PGC: variants seen among roughly 807,000 people sequenced by gnomAD.
PGC encodes gastricsin.
A neutral mutation model predicts 45.9 loss-of-function variants in PGC; 31 were observed. That is an observed-to-expected ratio of 0.67 (90% CI 0.51 to 0.91). The LOEUF (loss-of-function observed/expected upper bound fraction) is 0.91. Ranked by LOEUF, PGC falls within the 40% of genes least tolerant of loss-of-function variation. The pLI, the probability that PGC is intolerant of heterozygous loss-of-function variation, is 0.00. For missense variants in PGC, 477 were observed against 493.2 expected (o/e 0.97, Z 0.31); for synonymous variants, 192 against 201.8 (o/e 0.95, Z 0.41).
chr6:41,739,383 C>T (rs1456845548), intron 7 of PGC, among the ~76,000 whole-genome samples: 4 of 152,114 alleles, frequency 2.6e-5, no homozygotes, highest in Non-Finnish European at 4.4e-5. Context: ...CTGCCTCCAG[C>T]GCCTTGGGCA....
intron 1 of PGC, among the ~76,000 whole-genome samples, chr6:41,745,295 A>C (rs1373852520): frequency 6.6e-6 from 1 of 151,848 alleles, no homozygotes; most frequent in African/African-American, 2.4e-5. Context: ...CTAGAGTGCA[A>C]TGGCACAATC....
At position 41,747,329 on chromosome 6, in the gene PGC, C is replaced by T; in HGVS notation, c.6G>A (p.Lys2=). The T allele has an allele frequency of 6.2e-7, 1 of 1,613,866 alleles. No homozygotes were observed. Among genetic ancestry groups the T allele is most frequent in the Non-Finnish European group, 8.5e-7 (1 of 1,179,748 alleles). M[K]WMVVVLVCLQ... Reference sequence around the variant, plus strand: ...GGCAGACCAAGACCACCACCATCCACTTCATGATGCTGGTCCCCAACTGGC... The same window carrying T: ...GGCAGACCAAGACCACCACCATCCATTTCATGATGCTGGTCCCCAACTGGC... The change falls in exon 1 of 9, where the codon AAG becomes AAA. Residue 2 remains lysine (K), a synonymous_variant. Transcript: ENST00000373025.
Position 41,744,870 on chromosome 6 carries a change from T to TTC in PGC, c.60-64_60-63dup. The stretch of plus-strand genomic sequence containing the variant: ...CCTTCCTCTCTTCCCACTCCTCTCT[T>TTC]TCTCTCTCTCCTTCTCTTAACTGCA... On this transcript the variant is annotated intron_variant, in intron 1 of 8. Coordinates refer to ENST00000373025, the MANE Select transcript of PGC (RefSeq NM_002630.4). The surrounding 1 kb of genome is among the most constrained non-coding windows in gnomAD (Gnocchi z 4.4). The TTC allele has an allele frequency of 7.0e-7, 1 of 1,434,478 alleles. No individual in the cohort carries two copies. The highest frequency in any genetic ancestry group is 9.6e-7 in the Non-Finnish European group (1 of 1,044,966). The allele number at this position is 1,434,478 out of a possible 1,614,324, so 88.9% of individuals were successfully genotyped here. A position where few individuals can be genotyped will look rare whatever the true frequency, so the allele number is the denominator to read the frequency against.
chr6:41,740,098 C>A (rs1561880763), intron 6 of PGC, 152 bp from the exon 7 acceptor site: 4 of 672,032 alleles, frequency 6.0e-6, no homozygotes, highest in South Asian at 5.9e-5. Context: ...TCCCCTGCAT[C>A]ATGCCATGGG....
In PGC at chr6:41,744,530, C is replaced by A. The variant is rs1237486425; in HGVS notation, c.211-16G>T. ...AGTAGGCAGCCTGGGGGCCATGGAG[C>A]AAGCTGTTAGTTCCAGAGGGATCCA... is the stretch of plus-strand genomic sequence containing the variant. On this transcript the variant is annotated splice_polypyrimidine_tract_variant and intron_variant, in intron 2 of 8. Coordinates refer to ENST00000373025, the MANE Select transcript of PGC (RefSeq NM_002630.4). The surrounding 1 kb of genome is among the most constrained non-coding windows in gnomAD (Gnocchi z 4.4). The A allele has an allele frequency of 6.2e-7, 1 of 1,605,280 alleles. No individual in the cohort carries two copies. The highest frequency in any genetic ancestry group is 2.2e-5 in the East Asian group (1 of 44,784).
At chr6:41,742,080 G>A (rs1437387339) in intron 5 of PGC, among the ~76,000 whole-genome samples, 1 of 152,166 alleles carries the variant, frequency 6.6e-6, no homozygotes, top group East Asian at 1.9e-4. Context: ...GGAGGGGACT[G>A]GGGACAGGTG....
At chr6:41,741,313 TC>T in intron 5 of PGC, 1 of 1,213,314 alleles carries the variant, frequency 8.2e-7, no homozygotes, top group Non-Finnish European at 1.1e-6. Flanking sequence ...AACTTCAGAT[TC>T]CCCAGATTAG....
chr6:41,741,668 C>T, intron 5 of PGC: 1 of 693,400 alleles, frequency 1.4e-6, no homozygotes, highest in Non-Finnish European at 2.5e-6. Context: ...CAAAACAAAA[C>T]AAAAGCAAGT....
intron 5 of PGC, chr6:41,741,976 G>A: frequency 1.4e-6 from 1 of 719,890 alleles, no homozygotes; most frequent in Non-Finnish European, 2.4e-6. Context: ...CTGTCCAAGG[G>A]GTGCTGAGAA....
At chr6:41,740,073 G>A (rs1771793707) in intron 6 of PGC, 127 bp from the exon 7 acceptor site, 1 of 768,410 alleles carries the variant, frequency 1.3e-6, no homozygotes, top group South Asian at 1.9e-5. Flanking sequence ...ACCCTGCAAA[G>A]ATCAATCCGG....
At position 41,747,371 on chromosome 6, in the gene PGC, CTCTGAGT is replaced by C. The variant is rs2127293448; in HGVS notation, c.-44_-38del. ...CCAACTGGCCACAGAGGAAGAGCAG[CTCTGAGT>C]TCTGCAGTCGCAGTGGAGTGAAGAC... is the stretch of plus-strand genomic sequence containing the variant. On this transcript the variant is annotated 5_prime_UTR_variant, in exon 1 of 9. Coordinates refer to ENST00000373025, the MANE Select transcript of PGC (RefSeq NM_002630.4). 1.9e-6 allele frequency: 3 copies of C among 1,582,444 alleles called. No homozygotes were observed. The East Asian group carries it at 6.7e-5, about 35-fold the overall frequency.
rs2127292330 is a variant in PGC at position 41,744,592 on chromosome 6, G to A, written c.210+66C>T. On this transcript the variant is annotated intron_variant, in intron 2 of 8. Transcript: ENST00000373025. This position sits in a 1 kb window ranked among gnomAD's most constrained non-coding sequence, Gnocchi z 4.4. Reference sequence around the variant, plus strand: ...CTCCTCCATGGGCAGAGGAGTGAAGGGACCTGCCCCTTCCCTCCAGCCCAC... The same window carrying A: ...CTCCTCCATGGGCAGAGGAGTGAAGAGACCTGCCCCTTCCCTCCAGCCCAC... 6.3e-7 allele frequency: 1 copy of A among 1,593,054 alleles called. No homozygotes were observed. The highest frequency in any genetic ancestry group is 8.6e-7 in the Non-Finnish European group (1 of 1,164,214).
intron 8 of PGC, among the ~76,000 whole-genome samples, chr6:41,737,362 C>T (rs982007128): frequency 1.6e-4 from 24 of 152,326 alleles, no homozygotes; most frequent in Admixed American, 3.9e-4. Context: ...GTCAGTTACT[C>T]AACCTCTCTG....
chr6:41,740,865 C>T, intron 5 of PGC: 1 of 1,431,956 alleles, frequency 7.0e-7, no homozygotes, highest in Non-Finnish European at 9.1e-7. Context: ...CTCCCTCAGA[C>T]TGGGGCTCCC....
At chr6:41,747,208 G>A (rs1005941823) in intron 1 of PGC, 68 bp downstream of exon 1, 7 of 1,357,480 alleles carry the variant, frequency 5.2e-6, no homozygotes, top group Admixed American at 1.7e-5. Flanking sequence ...CCCTGGCCCA[G>A]TTGCCCTTTG....
Position 41,738,781 on chromosome 6 carries a change from A to C in PGC, c.916-953T>G, listed in dbSNP as rs534166615. ...AGACCAGCCTGGCCAATATGGTGAA[A>C]CCTCATCTCTATTAAAAATACAAAA... On this transcript the variant is annotated intron_variant, in intron 7 of 8. Coordinates refer to ENST00000373025, the MANE Select transcript of PGC (RefSeq NM_002630.4). Among the ~76,000 whole-genome samples the C allele has an allele frequency of 3.3e-5, 5 of 152,028 alleles. No individual in the cohort carries two copies. The South Asian group carries it at 8.3e-4, about 25-fold the overall frequency.
chr6:41,739,252 C>G (rs534670753), intron 7 of PGC, among the ~76,000 whole-genome samples: 196 of 152,314 alleles, frequency 1.3e-3, no homozygotes, highest in Middle Eastern at 3.4e-3. Context: ...GTGACTGCAG[C>G]TCAGAAGAAA....
rs1054180542 is a variant in PGC at position 41,742,180 on chromosome 6, T to C, written c.647+110A>G. ...TGGAGCAAGACTGACTGGAGCCAGA[T>C]GCCCGCTGGGATGCCTCCAAACCCC... On this transcript the variant is annotated intron_variant, in intron 5 of 8. Coordinates refer to ENST00000373025, the MANE Select transcript of PGC (RefSeq NM_002630.4). 6 of 968,168 alleles carry C rather than the reference T, an allele frequency of 6.2e-6. No homozygotes were observed. In the East Asian group the frequency reaches 7.2e-5, roughly 12 times the overall value. 60.0% of individuals were successfully genotyped at this position (968,168 alleles called of 1,614,324 possible).
At chr6:41,741,719 C>A in intron 5 of PGC, 2 of 969,514 alleles carry the variant, frequency 2.1e-6, no homozygotes, top group East Asian at 5.2e-5. Context: ...AAGCAGGCCC[C>A]AGGCCGCTCA....
Sources: allele counts gnomAD v4.1 joint callset (sites outside exome capture counted in the v4.1 genomes callset), GRCh38; gene constraint gnomAD v4.1.1; non-coding constraint Gnocchi (gnomAD v3.1); transcripts MANE v1.5; gene names NCBI Gene and HGNC (gene_info 2026-07-23, HGNC 2026-07-21).